CMYA5: variants seen among roughly 807,000 people sequenced by gnomAD.
CMYA5 encodes cardiomyopathy associated 5.
CMYA5 carries 246 observed loss-of-function variants against 318.9 expected under a neutral mutation model. The observed-to-expected ratio is 0.77, with a 90% CI of 0.70 to 0.86. CMYA5 has a LOEUF of 0.86. Ranked by LOEUF, CMYA5 falls within the 40% of genes least tolerant of loss-of-function variation. The pLI is 0.00. For missense variants in CMYA5, 4,589 were observed against 4,678.2 expected (o/e 0.98, Z 0.56); for synonymous variants, 1,641 against 1,729.5 (o/e 0.95, Z 1.27).
At chr5:79,725,948 ATGTT>A (rs1372581053) in intron 1 of CMYA5, among the ~76,000 whole-genome samples, 2 of 152,100 alleles carry the variant, frequency 1.3e-5, no homozygotes, top group Non-Finnish European at 2.9e-5. Context: ...TTAAAAAAGA[ATGTT>A]TGGTTGTCTC....
Position 79,738,066 on chromosome 5 carries a change from G to A in CMYA5, c.9301G>A (p.Ala3101Thr), listed in dbSNP as rs1000710487. ...ISFPVSSVES[A>T]LEHEYDLVKL... Reference sequence around the variant, plus strand: ...TTTCCCAGTAAGTTCAGTGGAAAGTGCACTAGAACATGAATATGACTTGGT... The same window carrying A: ...TTTCCCAGTAAGTTCAGTGGAAAGTACACTAGAACATGAATATGACTTGGT... The change falls in exon 2 of 13, where the codon GCA becomes ACA. Residue 3101 changes from alanine to threonine, a missense_variant. Ala to Thr is a moderately conservative substitution (Grantham distance 58). This residue lies in a region of CMYA5 where 2,431 missense variants were observed against 2,495.1 expected (regional missense o/e 0.97). Transcript: ENST00000446378. The A allele has an allele frequency of 8.1e-6, 13 of 1,613,378 alleles. No homozygotes were observed. Among genetic ancestry groups the A allele is most frequent in the Non-Finnish European group, 9.3e-6 (11 of 1,179,742 alleles).
At position 79,732,462 on chromosome 5, in the gene CMYA5, G is replaced by A. The variant is rs1461310588; in HGVS notation, c.3697G>A (p.Val1233Ile). ...AAAAATGGAGCCTCAGCCTCCAAAT[G>A]TTCCAGAGTCTGAGATGAAATATTC... The part of the protein sequence containing the change: ...DQKMEPQPPN[V>I]PESEMKYSVL... Residue 1233 changes from valine (V) to isoleucine (I), a missense_variant, in exon 2 of 13, where the codon GTT becomes ATT. Val to Ile is a conservative substitution (Grantham distance 29). Transcript: ENST00000446378. 2 of 1,613,264 alleles carry A rather than the reference G, an allele frequency of 1.2e-6. No individual in the cohort carries two copies. The highest frequency in any genetic ancestry group is 2.2e-5 in the East Asian group (1 of 44,860).
intron 12 of CMYA5, among the ~76,000 whole-genome samples, chr5:79,796,070 G>A (rs185704264): frequency 1.8e-4 from 27 of 146,234 alleles, no homozygotes; most frequent in Admixed American, 1.5e-3. Context: ...AGGATTCAGG[G>A]AATACCTTTC....
intron 10 of CMYA5, among the ~76,000 whole-genome samples, chr5:79,790,058 G>C (rs143745642): frequency 2.6e-5 from 4 of 152,326 alleles, no homozygotes; most frequent in African/African-American, 7.2e-5. Flanking sequence ...TAGACACAGA[G>C]CTGGCACAAG....
At chr5:79,707,047 G>A in intron 1 of CMYA5, among the ~76,000 whole-genome samples, 1 of 152,080 alleles carries the variant, frequency 6.6e-6, no homozygotes, top group East Asian at 1.9e-4. Context: ...GTGAACTCCA[G>A]TGTGGACTGC....
Position 79,733,669 on chromosome 5 carries a change from C to T in CMYA5, c.4904C>T (p.Pro1635Leu), listed in dbSNP as rs773510532. The change falls in exon 2 of 13, where the codon CCA becomes CTA. Residue 1635 changes from proline to leucine, a missense_variant. Physicochemically the swap from Pro to Leu is moderately conservative, Grantham distance 98. This residue lies in a region of CMYA5 where 2,132 missense variants were observed against 2,131.3 expected (regional missense o/e 1.00). Transcript: ENST00000446378. The part of the protein sequence containing the change: ...KDKPHQPLEL[P>L]NAGSEFSSDL... The stretch of plus-strand genomic sequence containing the variant: ...AAGCCACACCAACCGTTGGAATTAC[C>T]AAATGCTGGGTCAGAATTTTCTAGT... The T allele has an allele frequency of 1.2e-6, 2 of 1,613,838 alleles. No individual in the cohort carries two copies. Among genetic ancestry groups the T allele is most frequent in the East Asian group, 4.5e-5 (2 of 44,864 alleles).
intron 12 of CMYA5, among the ~76,000 whole-genome samples, chr5:79,798,736 A>T (rs1354741720): frequency 6.6e-6 from 1 of 152,180 alleles, no homozygotes; most frequent in East Asian, 1.9e-4. Flanking sequence ...GGATATGCAC[A>T]AGGAATAGTT....
At position 79,733,265 on chromosome 5, in the gene CMYA5, TAC is replaced by T. The variant is rs981447217; in HGVS notation, c.4502_4503del (p.Thr1501SerfsTer3). The T allele has an allele frequency of 3.7e-6, 6 of 1,613,594 alleles. No individual in the cohort carries two copies. The highest frequency in any genetic ancestry group is 5.1e-6 in the Non-Finnish European group (6 of 1,179,834). On this transcript the variant is annotated frameshift_variant, in exon 2 of 13. Coordinates refer to ENST00000446378, the MANE Select transcript of CMYA5 (RefSeq NM_153610.5). LOFTEE classifies it high-confidence loss of function. ...AAGACAAACAAGATCTTTTATTTTC[TAC>T]AGTCTGTGACTCTGAACGTTTGGTT... ...VEDKQDLLFS[T>X]VCDSERLVSS...
chr5:79,719,713 T>C lies in CMYA5; in HGVS notation c.150-9202T>C, dbSNP rs73123839. On this transcript the variant is annotated intron_variant, in intron 1 of 12. Transcript: ENST00000446378. Reference sequence around the variant, plus strand: ...GGAAAATTCAGAAATGGAGAAGTAGTAGATCACACACAATCCTATAAGCTC... The same window carrying C: ...GGAAAATTCAGAAATGGAGAAGTAGCAGATCACACACAATCCTATAAGCTC... 2.5e-3 allele frequency among the ~76,000 whole-genome samples: 381 copies of C among 152,272 alleles called. 1 individual carries two copies. The highest frequency in any genetic ancestry group is 9.0e-3 in the African/African-American group (372 of 41,552).
intron 5 of CMYA5, among the ~76,000 whole-genome samples, chr5:79,748,798 GTT>G (rs1328366528): frequency 1.3e-5 from 2 of 151,994 alleles, no homozygotes; most frequent in Non-Finnish European, 2.9e-5. Flanking sequence ...CCCACCTCCA[GTT>G]TCCTTTATTT....
At chr5:79,759,012 A>G in intron 7 of CMYA5, 110 bp downstream of exon 7, 1 of 951,654 alleles carries the variant, frequency 1.1e-6, no homozygotes, top group Non-Finnish European at 1.4e-6. Context: ...ATTTATAGCC[A>G]TTTACAAAAC....
intron 9 of CMYA5, among the ~76,000 whole-genome samples, chr5:79,765,127 AC>A (rs1380671830): frequency 3.9e-5 from 6 of 152,142 alleles, no homozygotes; most frequent in Non-Finnish European, 2.9e-5. Flanking sequence ...TTTAGGTCTT[AC>A]GTTTAAGTCT....
At chr5:79,743,951 C>A in intron 3 of CMYA5, 29 bp downstream of exon 3, 2 of 1,180,914 alleles carry the variant, frequency 1.7e-6, no homozygotes, top group Non-Finnish European at 1.2e-6. Flanking sequence ...TTTACCTTAA[C>A]CTGGCTTGTT....
rs778850658 is a variant in CMYA5, at chr5:79,733,299, C to G, written c.4534C>G (p.Gln1512Glu). Residue 1512 changes from glutamine to glutamate, a missense_variant, in exon 2 of 13, where the codon CAG becomes GAG. Physicochemically the swap from Gln to Glu is conservative, Grantham distance 29. This residue lies in a region of CMYA5 where 2,132 missense variants were observed against 2,131.3 expected (regional missense o/e 1.00). Coordinates refer to ENST00000446378, the MANE Select transcript of CMYA5 (RefSeq NM_153610.5). ...TGACTCTGAACGTTTGGTTTCATCACAGAAGAAGAGCTTGATGTCTACCTC... is the reference window on the plus strand; with the variant it reads ...TGACTCTGAACGTTTGGTTTCATCAGAGAAGAAGAGCTTGATGTCTACCTC... The part of the protein sequence containing the change: ...VCDSERLVSS[Q>E]KKSLMSTSEV... The G allele has an allele frequency of 6.2e-7, 1 of 1,613,556 alleles. No homozygotes were observed. The highest frequency in any genetic ancestry group is 1.1e-5 in the South Asian group (1 of 91,076).
intron 9 of CMYA5, among the ~76,000 whole-genome samples, chr5:79,772,516 C>T (rs78088397): frequency 1.3e-5 from 2 of 152,134 alleles, no homozygotes; most frequent in Non-Finnish European, 2.9e-5. Context: ...CTGAGTCTGA[C>T]AATAGATAAT....
rs370411872 is a variant in CMYA5 at position 79,732,592 on chromosome 5, C to G, written c.3827C>G (p.Pro1276Arg). The G allele has an allele frequency of 6.2e-7, 1 of 1,612,982 alleles. No homozygotes were observed. The highest frequency in any genetic ancestry group is 1.3e-5 in the African/African-American group (1 of 74,892). Residue 1276 changes from proline to arginine, a missense_variant, in exon 2 of 13, where the codon CCT (proline) becomes CGT (arginine). Around this residue, in one of 3 missense-constraint regions of CMYA5, gnomAD observed 2,132 missense variants for 2,131.3 expected, o/e 1.00. Transcript: ENST00000446378. Reference sequence around the variant, plus strand: ...CAGAGAAAGTTGTCCAAGAATGAGCCTGAAGTAATAAAACCATATTCACCT... The same window carrying G: ...CAGAGAAAGTTGTCCAAGAATGAGCGTGAAGTAATAAAACCATATTCACCT... ...LEQRKLSKNE[P>R]EVIKPYSPLK...
intron 1 of CMYA5, among the ~76,000 whole-genome samples, chr5:79,708,891 G>A (rs942951065): frequency 3.3e-5 from 5 of 152,084 alleles, no homozygotes; most frequent in African/African-American, 7.2e-5. Flanking sequence ...CTGAGATCAC[G>A]CCACCATACT....
In CMYA5 at chr5:79,763,228, G is replaced by C. The variant is rs779526292; in HGVS notation, c.11555+19G>C. 1 of 1,574,118 alleles carries C rather than the reference G, an allele frequency of 6.4e-7. No homozygotes were observed. Among genetic ancestry groups the C allele is most frequent in the African/African-American group, 1.4e-5 (1 of 74,060 alleles). On this transcript the variant is annotated intron_variant, in intron 9 of 12. Transcript: ENST00000446378. ...GCCTCAGGTGAGGGGCCCTCTCCAT[G>C]GGAGAGACTGCCCAGAGCCCAGTAA...
At chr5:79,772,730 T>C (rs1157250825) in intron 9 of CMYA5, among the ~76,000 whole-genome samples, 1 of 152,192 alleles carries the variant, frequency 6.6e-6, no homozygotes, top group Non-Finnish European at 1.5e-5. Flanking sequence ...ATCTCTTTGG[T>C]TCTTTAATGT....
Sources: gnomAD v4.1 joint callset for allele counts (sites outside exome capture counted in the v4.1 genomes callset) on GRCh38, gnomAD v4.1.1 for gene constraint, gnomAD v4.1.1 regional missense constraint, MANE v1.5 for transcripts, NCBI Gene and HGNC (gene_info 2026-07-23, HGNC 2026-07-21) for gene names.